The following RGS17 variants were observed in gnomAD, a reference collection of about 807,000 sequenced individuals.
RGS17 encodes regulator of G protein signaling 17.
Under a neutral mutation model 25.5 loss-of-function variants are expected in RGS17, and 12 were observed. That is an observed-to-expected ratio of 0.47 (90% CI 0.30 to 0.76). The LOEUF is 0.76. RGS17 is among the 30% of genes least tolerant of loss of function. RGS17 has a pLI of 0.07. For missense variants in RGS17, 196 were observed against 242.2 expected (o/e 0.81, Z 1.27); for synonymous variants, 71 against 76.9 (o/e 0.92, Z 0.40).
intron 1 of RGS17, among the ~76,000 whole-genome samples, chr6:153,084,416 G>A (rs115242309): frequency 6.6e-6 from 1 of 152,136 alleles, no homozygotes; most frequent in East Asian, 1.9e-4. Flanking sequence ...TTACATGGGG[G>A]TCACTGCAAC....
chr6:153,046,427 C>T (rs1444600568), intron 1 of RGS17, among the ~76,000 whole-genome samples: 2 of 151,766 alleles, frequency 1.3e-5, no homozygotes. Context: ...TGATAAGTGA[C>T]CTTATCACTC....
At chr6:153,127,054 G>C (rs1231033239) in intron 1 of RGS17, among the ~76,000 whole-genome samples, 1 of 152,164 alleles carries the variant, frequency 6.6e-6, no homozygotes, top group Admixed American at 6.5e-5. Context: ...ACTGTTCCAC[G>C]TCAGCTCATC....
intron 1 of RGS17, among the ~76,000 whole-genome samples, chr6:153,097,306 T>G (rs1482806840): frequency 1.4e-5 from 2 of 143,510 alleles, no homozygotes; most frequent in African/African-American, 5.2e-5. Context: ...TTTTTTTTTT[T>G]TTTTTTTTTT....
chr6:153,117,478 G>A (rs1202033665), intron 1 of RGS17, among the ~76,000 whole-genome samples: 1 of 152,162 alleles, frequency 6.6e-6, no homozygotes, highest in East Asian at 1.9e-4. Flanking sequence ...TCCAATATGA[G>A]AGGAAAAGGG....
chr6:153,012,435 G>A (rs568865501), intron 4 of RGS17, among the ~76,000 whole-genome samples: 1 of 152,314 alleles, frequency 6.6e-6, no homozygotes, highest in Admixed American at 6.5e-5. Context: ...AATGCAGAAT[G>A]ACCATTAAGA....
rs1443999225 is a variant in RGS17 at position 153,130,959 on chromosome 6, C to G, written c.-26+165G>C. Among the ~76,000 whole-genome samples, 9 of 151,382 alleles carry G rather than the reference C, an allele frequency of 5.9e-5. No individual in the cohort carries two copies. Among genetic ancestry groups the G allele is most frequent in the Non-Finnish European group, 8.8e-5 (6 of 67,818 alleles). On this transcript the variant is annotated intron_variant, in intron 1 of 4. Transcript: ENST00000206262. This position sits in a 1 kb window ranked among gnomAD's most constrained non-coding sequence, Gnocchi z 6.4. ...CAGGGCGCCGCGGCCACAGCTGAGA[C>G]CCCAGCGCCGCGCAGCCGCCCCCGC...
intron 2 of RGS17, among the ~76,000 whole-genome samples, chr6:153,028,758 A>G (rs1265799555): frequency 6.6e-6 from 1 of 152,234 alleles, no homozygotes; most frequent in African/African-American, 2.4e-5. Flanking sequence ...GCAAACACAT[A>G]TTAAGGCACT....
intron 1 of RGS17, among the ~76,000 whole-genome samples, chr6:153,079,424 C>T (rs1317404873): frequency 1.3e-5 from 2 of 152,288 alleles, no homozygotes; most frequent in Middle Eastern, 3.4e-3. Flanking sequence ...AAGCAGATTT[C>T]ACCACTGTTG....
At chr6:153,124,061 C>A (rs1334695345) in intron 1 of RGS17, among the ~76,000 whole-genome samples, 2 of 152,174 alleles carry the variant, frequency 1.3e-5, no homozygotes, top group Non-Finnish European at 2.9e-5. Context: ...CTCTGCTTAG[C>A]AGCTTGCTTG....
At chr6:153,102,477 GAT>G (rs1274537565) in intron 1 of RGS17, among the ~76,000 whole-genome samples, 1 of 152,160 alleles carries the variant, frequency 6.6e-6, no homozygotes, top group Non-Finnish European at 1.5e-5. Flanking sequence ...AACAGGGTCT[GAT>G]ATGGTTTGGC....
At chr6:153,034,198 T>C (rs1776203048) in intron 2 of RGS17, among the ~76,000 whole-genome samples, 1 of 152,158 alleles carries the variant, frequency 6.6e-6, no homozygotes, top group Non-Finnish European at 1.5e-5. Context: ...GGGATGAATG[T>C]GCGGGGCTTC....
intron 1 of RGS17, among the ~76,000 whole-genome samples, chr6:153,122,828 A>G (rs1777651968): frequency 6.6e-6 from 1 of 151,980 alleles, no homozygotes; most frequent in African/African-American, 2.4e-5. Flanking sequence ...AAATACTAAT[A>G]ACAATAATAA....
intron 1 of RGS17, among the ~76,000 whole-genome samples, chr6:153,103,691 T>C (rs1389725990): frequency 1.3e-5 from 2 of 152,266 alleles, no homozygotes; most frequent in African/African-American, 4.8e-5. Flanking sequence ...CTGTTGTTAA[T>C]GCTTTAAAAA....
chr6:153,040,323 C>T (rs905612739), intron 2 of RGS17, among the ~76,000 whole-genome samples: 15 of 151,848 alleles, frequency 9.9e-5, no homozygotes, highest in African/African-American at 2.7e-4. Context: ...GTATCCTCCC[C>T]GCAAAAAATG....
intron 1 of RGS17, among the ~76,000 whole-genome samples, chr6:153,124,874 C>T (rs1383302514): frequency 1.3e-5 from 2 of 152,124 alleles, no homozygotes; most frequent in Admixed American, 6.5e-5. Flanking sequence ...AGGACGTGGA[C>T]ATAGGGTCGT....
intron 2 of RGS17, among the ~76,000 whole-genome samples, chr6:153,041,863 C>T (rs1776325646): frequency 6.6e-6 from 1 of 152,150 alleles, no homozygotes; most frequent in African/African-American, 2.4e-5. Context: ...TCTTTATTTT[C>T]CAATATGAAG....
intron 1 of RGS17, among the ~76,000 whole-genome samples, chr6:153,116,192 T>C (rs1470464404): frequency 6.6e-6 from 1 of 151,908 alleles, no homozygotes; most frequent in African/African-American, 2.4e-5. Context: ...GGGCTAATAT[T>C]CAGAATCTAC....
intron 1 of RGS17, among the ~76,000 whole-genome samples, chr6:153,054,102 A>ATGTATATG (rs1398349694): frequency 3.0e-5 from 3 of 99,214 alleles, no homozygotes; most frequent in African/African-American, 1.2e-4. Context: ...TTATATATAT[A>ATGTATATG]TATATATATA....
chr6:153,032,986 A>G (rs1776172454), intron 2 of RGS17, among the ~76,000 whole-genome samples: 1 of 152,206 alleles, frequency 6.6e-6, no homozygotes, highest in South Asian at 2.1e-4. Flanking sequence ...TTAATTTACA[A>G]TATTTTAAAA....
Sources: allele counts gnomAD v4.1 joint callset (sites outside exome capture counted in the v4.1 genomes callset), GRCh38; gene constraint gnomAD v4.1.1; non-coding constraint Gnocchi (gnomAD v3.1); transcripts MANE v1.5; gene names NCBI Gene and HGNC (gene_info 2026-07-23, HGNC 2026-07-21).